DIP2A: variants seen among roughly 807,000 people sequenced by gnomAD.
The protein encoded by DIP2A is disco-interacting protein 2 homolog A.
DIP2A carries 85 observed loss-of-function variants against 177.4 expected under a neutral mutation model. The ratio of observed to expected loss-of-function variants is 0.48; its 90% CI spans 0.40 to 0.57. The LOEUF (loss-of-function observed/expected upper bound fraction) is 0.57. Ranked by LOEUF, DIP2A falls within the 20% of genes least tolerant of loss-of-function variation. The pLI, the probability that DIP2A is intolerant of heterozygous loss-of-function variation, is 0.00. For synonymous variants in DIP2A, 886 were observed against 881.8 expected (o/e 1.00, Z -0.08); for missense variants, 1,791 against 2,100.2 (o/e 0.85, Z 2.88).
chr21:46,467,903 A>C (rs576795284), intron 1 of DIP2A, among the ~76,000 whole-genome samples: 1 of 152,140 alleles, frequency 6.6e-6, no homozygotes, highest in African/African-American at 2.4e-5. Context: ...AGGAGGTTGG[A>C]TCGTTTGAAC....
At chr21:46,528,682 A>T (rs1201941245) in intron 8 of DIP2A, among the ~76,000 whole-genome samples, 1 of 149,776 alleles carries the variant, frequency 6.7e-6, no homozygotes, top group African/African-American at 2.5e-5. Context: ...ACACACCACC[A>T]CACTGAGCTA....
chr21:46,491,637 C>G (rs1405715300), intron 3 of DIP2A, among the ~76,000 whole-genome samples: 1 of 152,200 alleles, frequency 6.6e-6, no homozygotes, highest in African/African-American at 2.4e-5. Context: ...CCTGAGATGG[C>G]CGCCCTCAGC....
intron 8 of DIP2A, among the ~76,000 whole-genome samples, chr21:46,528,527 C>CATT (rs2059207496): frequency 1.7e-4 from 5 of 29,408 alleles, no homozygotes; most frequent in African/African-American, 7.8e-4. Flanking sequence ...TTTCTGCTTG[C>CATT]TTTTTTTTTT....
intron 2 of DIP2A, among the ~76,000 whole-genome samples, chr21:46,487,766 A>G (rs1310594578): frequency 1.3e-5 from 2 of 152,232 alleles, no homozygotes; most frequent in Non-Finnish European, 2.9e-5. Flanking sequence ...GAAAGACAGA[A>G]CCTACGTTAG....
At chr21:46,542,402 T>C (rs1408085605) in intron 18 of DIP2A, among the ~76,000 whole-genome samples, 1 of 152,210 alleles carries the variant, frequency 6.6e-6, no homozygotes, top group Non-Finnish European at 1.5e-5. Flanking sequence ...AATGGTAATG[T>C]TTGTGAATAA....
intron 28 of DIP2A, chr21:46,555,410 G>C (rs1443370476): frequency 5.2e-6 from 1 of 192,690 alleles, no homozygotes; most frequent in East Asian, 1.2e-4. Flanking sequence ...GATGGGGCTG[G>C]GCCAGGGCAG....
At chr21:46,480,223 A>G (rs989108173) in intron 1 of DIP2A, among the ~76,000 whole-genome samples, 1 of 152,158 alleles carries the variant, frequency 6.6e-6, no homozygotes, top group Non-Finnish European at 1.5e-5. Context: ...AGGCCTCACA[A>G]TCATGGCAGA....
At chr21:46,564,407 C>T (rs1340450552) in intron 35 of DIP2A, among the ~76,000 whole-genome samples, 4 of 152,146 alleles carry the variant, frequency 2.6e-5, no homozygotes, top group Non-Finnish European at 4.4e-5. Flanking sequence ...GTGGAGGGTG[C>T]GGGTCTCCCT....
At chr21:46,461,388 T>G (rs2054300510) in intron 1 of DIP2A, among the ~76,000 whole-genome samples, 1 of 151,850 alleles carries the variant, frequency 6.6e-6, no homozygotes, top group Non-Finnish European at 1.5e-5. Context: ...CAGGATCTAC[T>G]GTACTGCATT....
intron 1 of DIP2A, among the ~76,000 whole-genome samples, chr21:46,470,415 G>T (rs1374046327): frequency 6.7e-6 from 1 of 148,398 alleles, no homozygotes; most frequent in African/African-American, 2.5e-5. Flanking sequence ...CGGAGGTTGC[G>T]GTGAGCCGAG....
rs554610644 is a variant in DIP2A at position 46,546,089 on chromosome 21, C to T, written c.2394+128C>T. On this transcript the variant is annotated intron_variant, in intron 20 of 37. Transcript: ENST00000417564. ...CCTCCCATGTGGCCTTGGTCGGTGG[C>T]GCTGACCTCCCTGCCCATCACCCTA... 829 of 1,525,918 alleles carry T rather than the reference C, an allele frequency of 5.4e-4. 1 individual carries two copies. Among genetic ancestry groups the T allele is most frequent in the African/African-American group, 1.2e-3 (88 of 73,578 alleles). 94.5% of individuals were successfully genotyped at this position (1,525,918 alleles called of 1,614,324 possible). A position where few individuals can be genotyped will look rare whatever the true frequency, so the allele number is the denominator to read the frequency against.
chr21:46,460,449 A>C (rs887943341), intron 1 of DIP2A, among the ~76,000 whole-genome samples: 11 of 152,244 alleles, frequency 7.2e-5, no homozygotes, highest in Admixed American at 5.9e-4. Context: ...CAGCTTTTAG[A>C]ATCCATTTTT....
rs58546395 is a variant in DIP2A, at chr21:46,464,844, T to TTTTCC, written c.91+5622_91+5623insTTTCC. Among the ~76,000 whole-genome samples the TTTTCC allele has an allele frequency of 1.3e-4, 15 of 111,230 alleles. 1 individual carries two copies. The highest frequency in any genetic ancestry group is 5.4e-4 in the African/African-American group (13 of 23,994). The allele number at this position is 111,230 out of a possible 152,430, so 73.0% of individuals were successfully genotyped here. On this transcript the variant is annotated intron_variant, in intron 1 of 37. Transcript: ENST00000417564. The stretch of plus-strand genomic sequence containing the variant: ...TTTTTTTTTTTTTTTTTTTTTTTTT[T>TTTTCC]CAAGAAAACACACAACAAATGTCAG...
At chr21:46,512,390 G>A (rs1042457367) in intron 8 of DIP2A, among the ~76,000 whole-genome samples, 1 of 152,182 alleles carries the variant, frequency 6.6e-6, no homozygotes, top group African/African-American at 2.4e-5. Context: ...AGGCAGTGCA[G>A]CAGTTTTCAC....
intron 7 of DIP2A, among the ~76,000 whole-genome samples, chr21:46,510,710 A>G (rs2058268218): frequency 6.8e-6 from 1 of 147,168 alleles, no homozygotes; most frequent in Non-Finnish European, 1.5e-5. Context: ...GAATCACTTC[A>G]AGCTCCACCT....
intron 2 of DIP2A, among the ~76,000 whole-genome samples, chr21:46,487,750 T>C (rs2056777060): frequency 1.3e-5 from 2 of 152,348 alleles, no homozygotes; most frequent in South Asian, 4.1e-4. Context: ...TTAATGCATT[T>C]GGTAAGAAAG....
At chr21:46,464,844 T>TTTTTTTTTTTTAA (rs58546395) in intron 1 of DIP2A, among the ~76,000 whole-genome samples, 1 of 111,218 alleles carries the variant, frequency 9.0e-6, no homozygotes, top group East Asian at 2.3e-4. Context: ...TTTTTTTTTT[T>TTTTTTTTTTTTAA]CAAGAAAACA....
chr21:46,529,027 A>G (rs1331240654), intron 8 of DIP2A, 65 bp from the exon 9 acceptor site: 1 of 1,082,920 alleles, frequency 9.2e-7, no homozygotes, highest in African/African-American at 1.6e-5. Context: ...TTTGGTTTCT[A>G]CATTAAAATG....
Position 46,556,760 on chromosome 21 carries a change from C to A in DIP2A, c.3499-179C>A. On this transcript the variant is annotated intron_variant, in intron 29 of 37. Coordinates refer to ENST00000417564, the MANE Select transcript of DIP2A (RefSeq NM_015151.4). This position sits in a 1 kb window ranked among gnomAD's most constrained non-coding sequence, Gnocchi z 4.5. ...TTCAAAGATTTTTAGTGTACCATTT[C>A]TTGGGTATTATTTAGGTTATATGGG... is the stretch of plus-strand genomic sequence containing the variant. 1 of 549,264 alleles carries A rather than the reference C, an allele frequency of 1.8e-6. No individual in the cohort carries two copies. Among genetic ancestry groups the A allele is most frequent in the Non-Finnish European group, 3.1e-6 (1 of 322,844 alleles). The allele number at this position is 549,264 out of a possible 1,614,324, so 34.0% of individuals were successfully genotyped here.
Sources: gnomAD v4.1 joint callset for allele counts (sites outside exome capture counted in the v4.1 genomes callset) on GRCh38, gnomAD v4.1.1 for gene constraint, Gnocchi (gnomAD v3.1) non-coding constraint, MANE v1.5 for transcripts, NCBI Gene and HGNC (gene_info 2026-07-23, HGNC 2026-07-21) for gene names.